Variants in SEC23IP observed in about 807,000 individuals in gnomAD.
The protein encoded by SEC23IP is SEC23-interacting protein.
SEC23IP carries 70 observed loss-of-function variants against 113.4 expected under a neutral mutation model. The observed-to-expected ratio is 0.62, with a 90% CI of 0.51 to 0.75. The LOEUF (loss-of-function observed/expected upper bound fraction) is 0.75. Among genes scored for constraint, SEC23IP ranks in the 30% least tolerant of loss-of-function variants. The pLI is 0.00. For synonymous variants in SEC23IP, 398 were observed against 421.0 expected (o/e 0.95, Z 0.67); for missense variants, 1,160 against 1,204.9 (o/e 0.96, Z 0.55).
chr10:119,917,954 G>A lies in SEC23IP; in HGVS notation c.1663G>A (p.Val555Ile). 6.2e-7 allele frequency: 1 copy of A among 1,614,112 alleles called. No homozygotes were observed. Among genetic ancestry groups the A allele is most frequent in the Non-Finnish European group, 8.5e-7 (1 of 1,179,992 alleles). Residue 555 changes from valine to isoleucine, a missense_variant, in exon 9 of 19, where the codon GTA becomes ATA. Coordinates refer to ENST00000369075, the MANE Select transcript of SEC23IP (RefSeq NM_007190.4). The stretch of plus-strand genomic sequence containing the variant: ...CTACTGTCAGACAATTGTGGAAAAA[G>A]TAGGAATGGAGATAAACCATCTGCA... ...PTYCQTIVEKVGMEINHLHAL... is the reference protein window; with the variant it reads ...PTYCQTIVEKIGMEINHLHAL...
At chr10:119,931,409 A>G (rs1855595246) in intron 15 of SEC23IP, among the ~76,000 whole-genome samples, 2 of 151,236 alleles carry the variant, frequency 1.3e-5, no homozygotes, top group Non-Finnish European at 2.9e-5. Flanking sequence ...TATGTTGCCC[A>G]GGCTGGTCTT....
chr10:119,918,745 A>G (rs1206105043), intron 10 of SEC23IP, among the ~76,000 whole-genome samples: 4 of 152,020 alleles, frequency 2.6e-5, no homozygotes, highest in Non-Finnish European at 2.9e-5. Flanking sequence ...AGAATCCCCA[A>G]ATTCAGAGTA....
intron 18 of SEC23IP, among the ~76,000 whole-genome samples, chr10:119,934,611 A>C (rs1474023280): frequency 2.6e-5 from 4 of 152,344 alleles, no homozygotes; most frequent in Middle Eastern, 3.4e-3. Context: ...CAAAGTTAGA[A>C]ATTTTAAAGG....
At chr10:119,928,323 G>A (rs1239577109) in intron 13 of SEC23IP, among the ~76,000 whole-genome samples, 1 of 152,054 alleles carries the variant, frequency 6.6e-6, no homozygotes, top group East Asian at 1.9e-4. Flanking sequence ...TGTCATGTAT[G>A]TTATAAATAT....
In SEC23IP at chr10:119,917,996, C is replaced by G; in HGVS notation, c.1705C>G (p.Arg569Gly). Residue 569 changes from arginine (R) to glycine (G), a missense_variant, in exon 9 of 19, where the codon CGG becomes GGG. Arg to Gly is a moderately radical substitution (Grantham distance 125, BLOSUM62 -2). Coordinates refer to ENST00000369075, the MANE Select transcript of SEC23IP (RefSeq NM_007190.4). ...INHLHALFMS[R>G]NPDFKGGVSV... ...CCATCTGCATGCACTCTTTATGAGT[C>G]GGAACCCAGACTTCAAAGGAGGTGT... 6.2e-7 allele frequency: 1 copy of G among 1,614,014 alleles called. No homozygotes were observed. Among genetic ancestry groups the G allele is most frequent in the Non-Finnish European group, 8.5e-7 (1 of 1,179,968 alleles).
At position 119,898,728 on chromosome 10, in the gene SEC23IP, T is replaced by C. The variant is rs1224378443; in HGVS notation, c.465T>C (p.Tyr155=). ...CCTCACTGATGGGAATAAATTCTTA[T>C]CTGCCTTCTCAGCCAAGTAGTCTCC... is the stretch of plus-strand genomic sequence containing the variant. The part of the protein sequence containing the change: ...PPSSLMGINS[Y]LPSQPSSLPP... Residue 155 remains tyrosine, a synonymous_variant, in exon 2 of 19, where the codon TAT becomes TAC. Transcript: ENST00000369075. The C allele has an allele frequency of 1.9e-6, 3 of 1,614,142 alleles. No homozygotes were observed. The highest frequency in any genetic ancestry group is 2.2e-5 in the East Asian group (1 of 44,904).
rs397823916 is a variant in SEC23IP at position 119,942,355 on chromosome 10, A to ATATG, written c.*1806_*1809dup. ...TACATATATATATATACACACACACATATGTATGTATGTATGTATTACTAT... is the reference window on the plus strand; with the variant it reads ...TACATATATATATATACACACACACATATGTATGTATGTATGTATGTATTACTAT... On this transcript the variant is annotated 3_prime_UTR_variant, in exon 19 of 19. Transcript: ENST00000369075. 10 of 152,042 alleles carry ATATG rather than the reference A, an allele frequency of 6.6e-5. No individual in the cohort carries two copies. Among genetic ancestry groups the ATATG allele is most frequent in the African/African-American group, 1.7e-4 (7 of 41,400 alleles). 9.4% of individuals were successfully genotyped at this position (152,042 alleles called of 1,614,324 possible).
chr10:119,933,079 G>A lies in SEC23IP; in HGVS notation c.2833G>A (p.Gly945Ser). The A allele has an allele frequency of 6.2e-7, 1 of 1,614,002 alleles. No homozygotes were observed. The highest frequency in any genetic ancestry group is 8.5e-7 in the Non-Finnish European group (1 of 1,179,886). ...YLGKVGMLNGGRRIDYVLQEK... is the reference protein window; with the variant it reads ...YLGKVGMLNGSRRIDYVLQEK... ...AGGAAAGGTTGGAATGTTAAATGGA[G>A]GCCGCCGAATTGACTACGTTCTCCA... Residue 945 changes from glycine to serine, a missense_variant, in exon 17 of 19, where the codon GGC becomes AGC. By Grantham distance (56) the Gly-to-Ser change is moderately conservative (BLOSUM62 0). Coordinates refer to ENST00000369075, the MANE Select transcript of SEC23IP (RefSeq NM_007190.4).
Position 119,909,134 on chromosome 10 carries a change from A to T in SEC23IP, c.1191+4A>T. 1 of 1,580,190 alleles carries T rather than the reference A, an allele frequency of 6.3e-7. No homozygotes were observed. The highest frequency in any genetic ancestry group is 1.2e-5 in the South Asian group (1 of 86,472). ...AATTGTTATGCACAATCCAAAGGTA[A>T]TGATGGTGTTCAAAATTTTAAGGTA... On this transcript the variant is annotated splice_donor_region_variant and intron_variant, in intron 5 of 18. Transcript: ENST00000369075.
intron 12 of SEC23IP, among the ~76,000 whole-genome samples, chr10:119,924,350 G>A (rs1855350847): frequency 6.6e-6 from 1 of 152,054 alleles, no homozygotes; most frequent in Non-Finnish European, 1.5e-5. Flanking sequence ...TTTCTCTGAT[G>A]TTATTGTTGC....
chr10:119,917,870 C>A lies in SEC23IP; in HGVS notation c.1579C>A (p.Arg527=), dbSNP rs767516909. Residue 527 remains arginine (R), a synonymous_variant, in exon 9 of 19, where the codon CGA becomes AGA. Coordinates refer to ENST00000369075, the MANE Select transcript of SEC23IP (RefSeq NM_007190.4). ...GAAAATCACTTTGCCAAGTATTGGT[C>A]GATTTCGTCACTTTACCAATGAAAC... ...IKKITLPSIG[R]FRHFTNETLL... 4 of 1,613,802 alleles carry A rather than the reference C, an allele frequency of 2.5e-6. No homozygotes were observed. The highest frequency in any genetic ancestry group is 1.1e-5 in the South Asian group (1 of 91,022).
rs967015682 is a variant in SEC23IP at position 119,944,416 on chromosome 10, G to T, written c.*3851G>T. Reference sequence around the variant, plus strand: ...TTTATAAATTGCCCAGTCTCAGGTAGTACCTTGATAGCAGTGTGAAAATGG... The same window carrying T: ...TTTATAAATTGCCCAGTCTCAGGTATTACCTTGATAGCAGTGTGAAAATGG... On this transcript the variant is annotated 3_prime_UTR_variant, in exon 19 of 19. Transcript: ENST00000369075. The T allele has an allele frequency of 6.6e-6, 1 of 152,236 alleles. No homozygotes were observed. The highest frequency in any genetic ancestry group is 6.5e-5 in the Admixed American group (1 of 15,276). 9.4% of individuals were successfully genotyped at this position (152,236 alleles called of 1,614,324 possible).
chr10:119,925,497 A>G (rs1855390938), intron 12 of SEC23IP, among the ~76,000 whole-genome samples: 1 of 152,116 alleles, frequency 6.6e-6, no homozygotes, highest in Admixed American at 6.6e-5. Context: ...TTTGTTCCCT[A>G]AATATTTAGT....
At chr10:119,910,872 AT>A (rs2134477398) in intron 5 of SEC23IP, among the ~76,000 whole-genome samples, 1 of 151,822 alleles carries the variant, frequency 6.6e-6, no homozygotes, top group Non-Finnish European at 1.5e-5. Flanking sequence ...TTTTGCAGAG[AT>A]GGGGTCTTGC....
intron 4 of SEC23IP, among the ~76,000 whole-genome samples, chr10:119,905,422 G>C (rs1414386094): frequency 6.6e-6 from 1 of 152,074 alleles, no homozygotes; most frequent in South Asian, 2.1e-4. Flanking sequence ...ATTTTATATG[G>C]GTGACATAGA....
At chr10:119,894,623 C>G (rs189206982) in intron 1 of SEC23IP, among the ~76,000 whole-genome samples, 1 of 151,970 alleles carries the variant, frequency 6.6e-6, no homozygotes, top group Admixed American at 6.6e-5. Flanking sequence ...TCATTTTGAC[C>G]TGTGGTTGAA....
chr10:119,920,412 T>G (rs1296285252), intron 11 of SEC23IP, among the ~76,000 whole-genome samples: 1 of 152,184 alleles, frequency 6.6e-6, no homozygotes, highest in African/African-American at 2.4e-5. Context: ...CTACAGCTGT[T>G]GAATGAATGA....
Position 119,902,838 on chromosome 10 carries a change from C to T in SEC23IP, c.736C>T (p.Pro246Ser), listed in dbSNP as rs1420700901. 1.9e-6 allele frequency: 3 copies of T among 1,614,072 alleles called. No individual in the cohort carries two copies. Among genetic ancestry groups the T allele is most frequent in the Non-Finnish European group, 1.7e-6 (2 of 1,180,032 alleles). Residue 246 changes from proline to serine, a missense_variant, in exon 3 of 19, where the codon CCT (proline) becomes TCT (serine). Physicochemically the swap from Pro to Ser is moderately conservative, Grantham distance 74 (BLOSUM62 -1). Transcript: ENST00000369075. ...SVQSPAQQQV[P>S]ARPGAPSVQV... ...GCAGTCACCGGCACAGCAGCAGGTA[C>T]CTGCCAGACCTGGGGCTCCCTCTGT...
chr10:119,940,249 G>A (rs752692744), intron 18 of SEC23IP, among the ~76,000 whole-genome samples: 62 of 149,342 alleles, frequency 4.2e-4, no homozygotes, highest in Non-Finnish European at 4.4e-4. Context: ...GTGCAGTGGC[G>A]TCATCTTGGC....
Sources: allele counts gnomAD v4.1 joint callset (sites outside exome capture counted in the v4.1 genomes callset), GRCh38; gene constraint gnomAD v4.1.1; transcripts MANE v1.5; gene names NCBI Gene and HGNC (gene_info 2026-07-23, HGNC 2026-07-21).